The following MYO1E variants were observed in gnomAD, a reference collection of about 807,000 sequenced individuals.
MYO1E encodes the protein myosin IE, also known as unconventional myosin-Ie.
A neutral mutation model predicts 151.1 loss-of-function variants in MYO1E; 68 were observed. The ratio of observed to expected loss-of-function variants is 0.45; its 90% CI spans 0.37 to 0.55. MYO1E has a LOEUF of 0.55. MYO1E is among the 20% of genes least tolerant of loss of function. The pLI is 0.00. For missense variants in MYO1E, 1,363 were observed against 1,389.3 expected (o/e 0.98, Z 0.30); for synonymous variants, 601 against 501.7 (o/e 1.20, Z -2.64).
At chr15:59,301,585 T>C (rs2080482826) in intron 1 of MYO1E, among the ~76,000 whole-genome samples, 1 of 152,208 alleles carries the variant, frequency 6.6e-6, no homozygotes, top group Admixed American at 6.5e-5. Flanking sequence ...AGAGATCTTC[T>C]TGGATGCTGA....
chr15:59,300,296 GCA>G lies in MYO1E; in HGVS notation c.4-27849_4-27848del, dbSNP rs142354170. 1.9e-3 allele frequency among the ~76,000 whole-genome samples: 279 copies of G among 149,826 alleles called. 2 individuals carry two copies. The highest frequency in any genetic ancestry group is 5.7e-3 in the South Asian group (27 of 4,758). On this transcript the variant is annotated intron_variant, in intron 1 of 27. Transcript: ENST00000288235. The stretch of plus-strand genomic sequence containing the variant: ...CCATGGCTCTGCCTGCCCAGCACGC[GCA>G]CACACACACACACACAGACACACAC...
rs911784891 is a variant in MYO1E at position 59,315,027 on chromosome 15, A to T, written c.4-42578T>A. On this transcript the variant is annotated intron_variant, in intron 1 of 27. Coordinates refer to ENST00000288235, the MANE Select transcript of MYO1E (RefSeq NM_004998.4). ...TTTAAGCACCAGCTCAATTTTTAAT[A>T]AACGTATGGGCCAAATAAATACATC... Among the ~76,000 whole-genome samples, 4 of 152,254 alleles carry T rather than the reference A, an allele frequency of 2.6e-5. No homozygotes were observed. The South Asian group carries it at 6.2e-4, about 24-fold the overall frequency.
chr15:59,227,399 G>T (rs746147209), intron 7 of MYO1E, 60 bp downstream of exon 7: 31 of 1,603,380 alleles, frequency 1.9e-5, no homozygotes, highest in Non-Finnish European at 2.4e-5. Context: ...TGAAGTCTGA[G>T]AAATATTTTA....
intron 1 of MYO1E, among the ~76,000 whole-genome samples, chr15:59,300,876 T>G (rs1347072184): frequency 1.8e-4 from 26 of 148,282 alleles, no homozygotes; most frequent in African/African-American, 6.5e-4. Flanking sequence ...CTTTTTTTTT[T>G]TTTTTTTTTG....
intron 4 of MYO1E, among the ~76,000 whole-genome samples, chr15:59,249,769 T>C (rs573835524): frequency 6.6e-6 from 1 of 152,124 alleles, no homozygotes; most frequent in African/African-American, 2.4e-5. Flanking sequence ...TCCAAGAAAA[T>C]GGTTTTTTCG....
intron 5 of MYO1E, among the ~76,000 whole-genome samples, 164 bp downstream of exon 5, chr15:59,236,415 CACACAA>C (rs1318695464): frequency 8.8e-4 from 121 of 137,426 alleles, no homozygotes; most frequent in African/African-American, 2.6e-3. Flanking sequence ...CACACACACA[CACACAA>C]ACACACATAC....
intron 1 of MYO1E, among the ~76,000 whole-genome samples, chr15:59,343,717 TCTGA>T (rs1231468700): frequency 9.9e-5 from 15 of 152,114 alleles, no homozygotes; most frequent in African/African-American, 3.4e-4. Context: ...TTTTGTCTCC[TCTGA>T]CTGTGTATTT....
chr15:59,248,843 G>A (rs542447878), intron 4 of MYO1E, among the ~76,000 whole-genome samples: 23 of 152,136 alleles, frequency 1.5e-4, no homozygotes, highest in Admixed American at 7.2e-4. Context: ...TCATCCCTTC[G>A]CTCAGAATTC....
chr15:59,205,347 T>A, intron 15 of MYO1E, 53 bp downstream of exon 15: 1 of 1,559,940 alleles, frequency 6.4e-7, no homozygotes, highest in Non-Finnish European at 8.8e-7. Flanking sequence ...GTTTTCATAT[T>A]GAAAATTTCA....
intron 26 of MYO1E, among the ~76,000 whole-genome samples, chr15:59,149,057 T>TTTC (rs2079460057): frequency 1.4e-5 from 1 of 71,332 alleles, no homozygotes; most frequent in African/African-American, 6.8e-5. Context: ...TTTTTGTTTT[T>TTTC]TTTTTTTTTT....
intron 1 of MYO1E, among the ~76,000 whole-genome samples, chr15:59,365,381 T>C (rs2080907432): frequency 6.6e-6 from 1 of 152,134 alleles, no homozygotes; most frequent in Non-Finnish European, 1.5e-5. Context: ...AAGCAGACTT[T>C]CTTGAAAAGT....
chr15:59,353,161 A>G (rs1182920626), intron 1 of MYO1E, among the ~76,000 whole-genome samples: 1 of 152,116 alleles, frequency 6.6e-6, no homozygotes, highest in Non-Finnish European at 1.5e-5. Context: ...TTACAAAGTT[A>G]TTCAATCTAA....
chr15:59,156,077 C>A (rs953687671), intron 25 of MYO1E, among the ~76,000 whole-genome samples: 1 of 152,228 alleles, frequency 6.6e-6, no homozygotes, highest in Non-Finnish European at 1.5e-5. Flanking sequence ...GGCTGGAGTG[C>A]AGTGGCATGA....
intron 16 of MYO1E, among the ~76,000 whole-genome samples, chr15:59,201,540 G>C (rs561492131): frequency 1.9e-4 from 29 of 151,966 alleles, no homozygotes; most frequent in Non-Finnish European, 4.1e-4. Flanking sequence ...GAGTAGCTGG[G>C]ATTACACTCA....
chr15:59,173,947 A>C, intron 20 of MYO1E, 32 bp from the exon 21 acceptor site: 1 of 1,608,582 alleles, frequency 6.2e-7, no homozygotes, highest in Non-Finnish European at 8.5e-7. Context: ...AGATGGAAGA[A>C]GGATAAGTCA....
intron 1 of MYO1E, among the ~76,000 whole-genome samples, chr15:59,277,742 G>C (rs1324566107): frequency 6.6e-6 from 1 of 152,162 alleles, no homozygotes; most frequent in African/African-American, 2.4e-5. Context: ...CTCTGCAAAG[G>C]AGTACTTTGC....
intron 1 of MYO1E, among the ~76,000 whole-genome samples, chr15:59,353,261 G>T (rs1485641224): frequency 2.0e-5 from 3 of 150,732 alleles, no homozygotes; most frequent in Admixed American, 2.0e-4. Context: ...GGAGGCTGAG[G>T]TAAGAGGATT....
chr15:59,313,556 C>T (rs971269079), intron 1 of MYO1E, among the ~76,000 whole-genome samples: 3 of 141,576 alleles, frequency 2.1e-5, no homozygotes, highest in Non-Finnish European at 4.5e-5. Context: ...GGCATGTTCT[C>T]CTATCTCCTA....
intron 2 of MYO1E, among the ~76,000 whole-genome samples, chr15:59,272,066 C>T (rs562829668): frequency 1.3e-5 from 2 of 152,202 alleles, no homozygotes; most frequent in Non-Finnish European, 2.9e-5. Flanking sequence ...AGCATCTGTT[C>T]GGACTTTCAG....
Sources: allele counts gnomAD v4.1 joint callset (sites outside exome capture counted in the v4.1 genomes callset), GRCh38; gene constraint gnomAD v4.1.1; transcripts MANE v1.5; gene names NCBI Gene and HGNC (gene_info 2026-07-23, HGNC 2026-07-21).